The following ZNF697 variants were observed in gnomAD, a reference collection of about 807,000 sequenced individuals.
The protein encoded by ZNF697 is zinc finger protein 697.
Under a neutral mutation model 32.4 loss-of-function variants are expected in ZNF697, and 23 were observed. The observed-to-expected ratio is 0.71, with a 90% CI of 0.51 to 1.01. The LOEUF is 1.01. Ranked by LOEUF, ZNF697 falls within the 50% of genes least tolerant of loss-of-function variation. ZNF697 has a pLI of 0.00. For synonymous variants in ZNF697, 418 were observed against 337.2 expected, an observed-to-expected ratio of 1.24 and a Z score of -2.62; for missense variants, 930 against 794.0, an observed-to-expected ratio of 1.17 and a Z score of -2.06.
chr1:119,630,633 T>C (rs1048497565), intron 1 of ZNF697, among the ~76,000 whole-genome samples: 4 of 152,192 alleles, frequency 2.6e-5, no homozygotes, highest in African/African-American at 9.6e-5. Flanking sequence ...GTGAATGTGA[T>C]AAAGTGTCTC....
At position 119,619,421 on chromosome 1, in the gene ZNF697, G is replaced by C. The variant is rs1047485382; in HGVS notation, c.*3284C>G. On this transcript the variant is annotated 3_prime_UTR_variant, in exon 3 of 3. Transcript: ENST00000421812. ...ATGTGTGGCAAAGAAGAATGACATG[G>C]TAAAAGACTGATATGGATTTAATGA... 1 of 152,210 alleles carries C rather than the reference G, an allele frequency of 6.6e-6. No individual in the cohort carries two copies. The highest frequency in any genetic ancestry group is 2.1e-4 in the South Asian group (1 of 4,830). The allele number at this position is 152,210 out of a possible 1,614,324, so 9.4% of individuals were successfully genotyped here.
intron 1 of ZNF697, among the ~76,000 whole-genome samples, chr1:119,635,011 G>A (rs1189357198): frequency 6.6e-6 from 1 of 152,234 alleles, no homozygotes; most frequent in African/African-American, 2.4e-5. Flanking sequence ...CAAAGGGGAA[G>A]GGGCTGGGGT....
chr1:119,624,283 G>C (rs1648504022), intron 2 of ZNF697, among the ~76,000 whole-genome samples, 167 bp from the exon 3 acceptor site: 1 of 152,202 alleles, frequency 6.6e-6, no homozygotes, highest in African/African-American at 2.4e-5. Context: ...GGATCCTCCA[G>C]GGAAAGGCCT....
Position 119,623,687 on chromosome 1 carries a change from G to A in ZNF697, c.656C>T (p.Ala219Val). 1 of 1,530,634 alleles carries A rather than the reference G, an allele frequency of 6.5e-7. No individual in the cohort carries two copies. 94.8% of individuals were successfully genotyped at this position (1,530,634 alleles called of 1,614,324 possible). A position where few individuals can be genotyped will look rare whatever the true frequency, so the allele number is the denominator to read the frequency against. The change falls in exon 3 of 3, where the codon GCC becomes GTC. Residue 219 changes from alanine (A) to valine (V), a missense_variant. Physicochemically the swap from Ala to Val is moderately conservative, Grantham distance 64. Transcript: ENST00000421812. The part of the protein sequence containing the change: ...RIHRLAEAAA[A>V]ASLEPFGLAG... ...CAGGCCGAAGGGCTCCAGGCTGGCGGCGGCAGCGGCCTCAGCCAGGCGGTG... is the reference window on the plus strand; with the variant it reads ...CAGGCCGAAGGGCTCCAGGCTGGCGACGGCAGCGGCCTCAGCCAGGCGGTG...
chr1:119,639,830 G>GC (rs1030075068), intron 1 of ZNF697, among the ~76,000 whole-genome samples: 1 of 151,874 alleles, frequency 6.6e-6, no homozygotes, highest in African/African-American at 2.4e-5. Flanking sequence ...CTGGACTTCA[G>GC]CCTGGGTGAC....
chr1:119,624,006 A>G lies in ZNF697; in HGVS notation c.337T>C (p.Ser113Pro). The G allele has an allele frequency of 2.5e-6, 4 of 1,613,014 alleles. No individual in the cohort carries two copies. The highest frequency in any genetic ancestry group is 3.4e-6 in the Non-Finnish European group (4 of 1,179,578). The change falls in exon 3 of 3, where the codon TCC becomes CCC. Residue 113 changes from serine to proline, a missense_variant. Ser to Pro is a moderately conservative substitution (Grantham distance 74). Coordinates refer to ENST00000421812, the MANE Select transcript of ZNF697 (RefSeq NM_001080470.2). The stretch of plus-strand genomic sequence containing the variant: ...TCGTCGTCCTCCCGGAGGCTCCGGG[A>G]TATGCTGTCAGACTCAGACAGTCCT... Reference protein sequence around the residue: ...FPGLSESDSISRSLREDDDES... With the variant: ...FPGLSESDSIPRSLREDDDES...
chr1:119,639,742 G>C (rs1463401231), intron 1 of ZNF697, among the ~76,000 whole-genome samples: 1 of 150,832 alleles, frequency 6.6e-6, no homozygotes, highest in Non-Finnish European at 1.5e-5. Context: ...GCCAGAAGTG[G>C]TGGCATACAC....
At chr1:119,640,458 T>C (rs1331419499) in intron 1 of ZNF697, among the ~76,000 whole-genome samples, 3 of 152,192 alleles carry the variant, frequency 2.0e-5, no homozygotes, top group Non-Finnish European at 4.4e-5. Context: ...TGACAGGAAA[T>C]GGCAATTAGC....
At position 119,623,724 on chromosome 1, in the gene ZNF697, G is replaced by A; in HGVS notation, c.619C>T (p.His207Tyr). ...SFSPGAAFLQHQRIHRLAEAA... is the reference protein window; with the variant it reads ...SFSPGAAFLQYQRIHRLAEAA... ...TCAGCCAGGCGGTGAATGCGCTGGT[G>A]CTGCAGGAAGGCGGCGCCAGGACTG... The change falls in exon 3 of 3, where the codon CAC becomes TAC. Residue 207 changes from histidine (H) to tyrosine (Y), a missense_variant. Coordinates refer to ENST00000421812, the MANE Select transcript of ZNF697 (RefSeq NM_001080470.2). 1 of 1,527,806 alleles carries A rather than the reference G, an allele frequency of 6.5e-7. No homozygotes were observed. The highest frequency in any genetic ancestry group is 2.0e-4 in the Middle Eastern group (1 of 4,904). The allele number at this position is 1,527,806 out of a possible 1,614,324, so 94.6% of individuals were successfully genotyped here. A position where few individuals can be genotyped will look rare whatever the true frequency, so the allele number is the denominator to read the frequency against.
Position 119,622,285 on chromosome 1 carries a change from T to G in ZNF697, c.*420A>C, listed in dbSNP as rs587674607. The G allele has an allele frequency of 6.0e-6, 1 of 165,638 alleles. No individual in the cohort carries two copies. The highest frequency in any genetic ancestry group is 6.2e-5 in the Admixed American group (1 of 16,254). 10.3% of individuals were successfully genotyped at this position (165,638 alleles called of 1,614,324 possible). A position where few individuals can be genotyped will look rare whatever the true frequency, so the allele number is the denominator to read the frequency against. On this transcript the variant is annotated 3_prime_UTR_variant, in exon 3 of 3. Transcript: ENST00000421812. ...GGACCAAGATAGAATCACTTATACT[T>G]GGTTTTATTTCGCCCCATAACCCTC...
intron 2 of ZNF697, 65 bp from the exon 3 acceptor site, chr1:119,624,181 G>GGCTTTATTACTTT: frequency 6.7e-7 from 1 of 1,489,600 alleles, no homozygotes; most frequent in East Asian, 2.4e-5. Flanking sequence ...AAGCCCAGAG[G>GGCTTTATTACTTT]AAACCTCAGT....
Position 119,636,689 on chromosome 1 carries a change from G to C in ZNF697, c.-37-10552C>G, listed in dbSNP as rs587734960. On this transcript the variant is annotated intron_variant, in intron 1 of 2. Transcript: ENST00000421812. ...AGTCAGGCAATGGAGACCAAGAAAG[G>C]TTAAGTAAATTGCCCATGAACACAC... Among the ~76,000 whole-genome samples the C allele has an allele frequency of 3.3e-5, 5 of 152,300 alleles. No homozygotes were observed. In the Middle Eastern group the frequency reaches 0.01, roughly 311 times the overall value.
intron 2 of ZNF697, 107 bp downstream of exon 2, chr1:119,625,768 C>T: frequency 2.1e-6 from 3 of 1,433,920 alleles, no homozygotes; most frequent in South Asian, 1.4e-5. Context: ...ATGGTCCCCT[C>T]TATGGAACTC....
In ZNF697 at chr1:119,621,516, G is replaced by T. The variant is rs1042990845; in HGVS notation, c.*1189C>A. ...CAATTTTGCATTTACACCTCTCCCT[G>T]ACTGGGCTCTTCTGGGTAAAGCCTT... On this transcript the variant is annotated 3_prime_UTR_variant, in exon 3 of 3. Coordinates refer to ENST00000421812, the MANE Select transcript of ZNF697 (RefSeq NM_001080470.2). 1 of 152,626 alleles carries T rather than the reference G, an allele frequency of 6.6e-6. No homozygotes were observed. The highest frequency in any genetic ancestry group is 1.5e-5 in the Non-Finnish European group (1 of 68,040). 9.5% of individuals were successfully genotyped at this position (152,626 alleles called of 1,614,324 possible).
At chr1:119,626,183 T>G in intron 1 of ZNF697, 46 bp from the exon 2 acceptor site, 1 of 1,571,622 alleles carries the variant, frequency 6.4e-7, no homozygotes, top group Non-Finnish European at 8.6e-7. Context: ...TCCGGTCTCA[T>G]CCCCTCACCA....
intron 1 of ZNF697, among the ~76,000 whole-genome samples, chr1:119,637,047 C>T (rs1648941866): frequency 6.6e-6 from 1 of 152,156 alleles, no homozygotes; most frequent in African/African-American, 2.4e-5. Flanking sequence ...CATAACCTAC[C>T]CAGTACACAA....
In ZNF697 at chr1:119,622,637, C is replaced by T; in HGVS notation, c.*68G>A. The T allele has an allele frequency of 6.9e-7, 1 of 1,441,758 alleles. No individual in the cohort carries two copies. Among genetic ancestry groups the T allele is most frequent in the Non-Finnish European group, 9.1e-7 (1 of 1,100,858 alleles). 89.3% of individuals were successfully genotyped at this position (1,441,758 alleles called of 1,614,324 possible). ...CCCGCCCCTTCCCCACTTCCTTCCC[C>T]TGGGTCAGTCCCAGGATATCTACCC... On this transcript the variant is annotated 3_prime_UTR_variant, in exon 3 of 3. Coordinates refer to ENST00000421812, the MANE Select transcript of ZNF697 (RefSeq NM_001080470.2).
intron 1 of ZNF697, among the ~76,000 whole-genome samples, chr1:119,634,907 T>A (rs1245963285): frequency 6.6e-6 from 1 of 152,224 alleles, no homozygotes; most frequent in Non-Finnish European, 1.5e-5. Context: ...TGAGATTAAG[T>A]GTACAAAGAG....
At position 119,623,027 on chromosome 1, in the gene ZNF697, C is replaced by T; in HGVS notation, c.1316G>A (p.Cys439Tyr). The T allele has an allele frequency of 6.3e-7, 1 of 1,590,206 alleles. No homozygotes were observed. The highest frequency in any genetic ancestry group is 8.6e-7 in the Non-Finnish European group (1 of 1,166,930). ...RTHSGERPYV[C>Y]RECGKGFGRN... ...CCCGAAGCCCTTCCCGCACTCGCGG[C>T]ACACGTAGGGCCGCTCACCCGAGTG... Residue 439 changes from cysteine to tyrosine, a missense_variant, in exon 3 of 3, where the codon TGC becomes TAC. Cys to Tyr is a radical substitution (Grantham distance 194). Coordinates refer to ENST00000421812, the MANE Select transcript of ZNF697 (RefSeq NM_001080470.2).
Sources: gnomAD v4.1 joint callset for allele counts (sites outside exome capture counted in the v4.1 genomes callset) on GRCh38, gnomAD v4.1.1 for gene constraint, MANE v1.5 for transcripts, NCBI Gene and HGNC (gene_info 2026-07-23, HGNC 2026-07-21) for gene names.